The following LRRTM3 variants were observed in gnomAD, a reference collection of about 807,000 sequenced individuals.
The protein encoded by LRRTM3 is leucine-rich repeat transmembrane neuronal protein 3.
In LRRTM3, 24 loss-of-function variants were observed where a neutral mutation model predicts 44.7. The observed-to-expected ratio is 0.54, with a 90% CI of 0.39 to 0.76. The LOEUF (loss-of-function observed/expected upper bound fraction) is 0.76. Ranked by LOEUF, LRRTM3 falls within the 30% of genes least tolerant of loss-of-function variation. The probability of loss-of-function intolerance (pLI) is 0.00; values close to 1 mark genes in which losing one functional copy is unlikely to be tolerated. For missense variants in LRRTM3, 587 were observed against 702.2 expected (o/e 0.84, Z 1.85); for synonymous variants, 277 against 278.7 (o/e 0.99, Z 0.06).
intron 2 of LRRTM3, 124 bp downstream of exon 2, chr10:66,928,576 C>G (rs936133795): frequency 5.8e-6 from 5 of 857,310 alleles, no homozygotes; most frequent in Non-Finnish European, 8.8e-6. Flanking sequence ...TCTCACTTTG[C>G]TGGCAAGATC....
chr10:67,012,731 G>A (rs958220342), intron 2 of LRRTM3, among the ~76,000 whole-genome samples: 3 of 151,898 alleles, frequency 2.0e-5, no homozygotes, highest in Admixed American at 1.3e-4. Flanking sequence ...CCAGCTTCAC[G>A]GTGGTTTTGG....
intron 2 of LRRTM3, among the ~76,000 whole-genome samples, chr10:67,004,280 T>C (rs1851848221): frequency 6.6e-6 from 1 of 152,204 alleles, no homozygotes. Flanking sequence ...ATAAAATTTC[T>C]TCCTGTCTTT....
chr10:67,089,972 G>A (rs1447030534), intron 2 of LRRTM3, among the ~76,000 whole-genome samples: 3 of 151,940 alleles, frequency 2.0e-5, no homozygotes. Flanking sequence ...GACAAGTATA[G>A]TCTCATATGA....
chr10:67,011,844 G>T (rs1282887387), intron 2 of LRRTM3, among the ~76,000 whole-genome samples: 1 of 152,094 alleles, frequency 6.6e-6, no homozygotes, highest in East Asian at 1.9e-4. Flanking sequence ...AGGACCTACA[G>T]GTTGCATGTG....
At chr10:66,940,084 T>G (rs547764224) in intron 2 of LRRTM3, among the ~76,000 whole-genome samples, 1 of 152,282 alleles carries the variant, frequency 6.6e-6, no homozygotes, top group East Asian at 1.9e-4. Context: ...TGTTTTTGCT[T>G]TCAGTACTGG....
At chr10:67,079,835 G>A (rs879287625) in intron 2 of LRRTM3, among the ~76,000 whole-genome samples, 3 of 150,800 alleles carry the variant, frequency 2.0e-5, no homozygotes, top group South Asian at 2.1e-4. Flanking sequence ...GTGGCACAGC[G>A]AGACTCCATC....
At chr10:67,062,538 C>T (rs1026940297) in intron 2 of LRRTM3, among the ~76,000 whole-genome samples, 3 of 151,896 alleles carry the variant, frequency 2.0e-5, no homozygotes, top group African/African-American at 7.3e-5. Flanking sequence ...TGTGTGTCTG[C>T]GTGTAGATAT....
chr10:66,986,432 G>A (rs1202107307), intron 2 of LRRTM3, among the ~76,000 whole-genome samples: 1 of 152,094 alleles, frequency 6.6e-6, no homozygotes, highest in Non-Finnish European at 1.5e-5. Flanking sequence ...AGTAGGCAGA[G>A]GTTGCAATAA....
chr10:67,092,334 T>C (rs1171854289), intron 2 of LRRTM3, among the ~76,000 whole-genome samples: 1 of 151,970 alleles, frequency 6.6e-6, no homozygotes, highest in Non-Finnish European at 1.5e-5. Flanking sequence ...AAATCTCTAT[T>C]CAGACATAAC....
At position 67,099,048 on chromosome 10, in the gene LRRTM3, A is replaced by C. The variant is rs577684072; in HGVS notation, c.*1252A>C. 6.6e-6 allele frequency: 1 copy of C among 152,004 alleles called. No individual in the cohort carries two copies. Among genetic ancestry groups the C allele is most frequent in the South Asian group, 2.1e-4 (1 of 4,830 alleles). 9.4% of individuals were successfully genotyped at this position (152,004 alleles called of 1,614,324 possible). A position where few individuals can be genotyped will look rare whatever the true frequency, so the allele number is the denominator to read the frequency against. On this transcript the variant is annotated 3_prime_UTR_variant, in exon 3 of 3. Coordinates refer to ENST00000361320, the MANE Select transcript of LRRTM3 (RefSeq NM_178011.5). ...CCATGGTGGAGAACTTTATCACTCA[A>C]GTAGACGGTAAACATCCTTAATATG... is the stretch of plus-strand genomic sequence containing the variant.
chr10:67,009,534 T>G, intron 2 of LRRTM3, among the ~76,000 whole-genome samples: 1 of 152,150 alleles, frequency 6.6e-6, no homozygotes, highest in East Asian at 1.9e-4. Context: ...TTTGTTTGTT[T>G]GTTTGTTTGC....
chr10:67,098,933 CAT>C lies in LRRTM3; in HGVS notation c.*1140_*1141del, dbSNP rs780591223. On this transcript the variant is annotated 3_prime_UTR_variant, in exon 3 of 3. Coordinates refer to ENST00000361320, the MANE Select transcript of LRRTM3 (RefSeq NM_178011.5). Reference sequence around the variant, plus strand: ...TATTTTGGAAACATTTCAAAGGAAACATATGAATTTGTTTTGCGTTGTGCACT... The same window carrying C: ...TATTTTGGAAACATTTCAAAGGAAACATGAATTTGTTTTGCGTTGTGCACT... 5 of 151,962 alleles carry C rather than the reference CAT, an allele frequency of 3.3e-5. No individual in the cohort carries two copies. In the East Asian group the frequency reaches 7.8e-4, roughly 24 times the overall value. 9.4% of individuals were successfully genotyped at this position (151,962 alleles called of 1,614,324 possible).
At chr10:67,019,798 C>T (rs1852881698) in intron 2 of LRRTM3, among the ~76,000 whole-genome samples, 1 of 152,128 alleles carries the variant, frequency 6.6e-6, no homozygotes, top group Admixed American at 6.6e-5. Flanking sequence ...TTTGATGCTC[C>T]TTACTCACTT....
chr10:67,054,098 T>C (rs1279259869), intron 2 of LRRTM3, among the ~76,000 whole-genome samples: 1 of 152,162 alleles, frequency 6.6e-6, no homozygotes. Flanking sequence ...GTAAGCAGCT[T>C]AGTATCCATC....
intron 2 of LRRTM3, among the ~76,000 whole-genome samples, chr10:67,024,595 C>A (rs1853236420): frequency 6.6e-6 from 1 of 152,086 alleles, no homozygotes; most frequent in African/African-American, 2.4e-5. Flanking sequence ...AAATCATTTT[C>A]CTAACTTTGA....
intron 2 of LRRTM3, among the ~76,000 whole-genome samples, chr10:66,971,610 T>C (rs115807480): frequency 2.6e-5 from 4 of 152,214 alleles, no homozygotes; most frequent in African/African-American, 7.2e-5. Flanking sequence ...GTAATGCACC[T>C]AGTAGAGTGC....
chr10:67,016,903 C>T (rs374909222), intron 2 of LRRTM3, among the ~76,000 whole-genome samples: 3 of 152,124 alleles, frequency 2.0e-5, no homozygotes, highest in South Asian at 4.2e-4. Flanking sequence ...ATTTTATATC[C>T]TATCAAAATA....
intron 2 of LRRTM3, among the ~76,000 whole-genome samples, chr10:66,950,771 C>CA (rs1848498004): frequency 6.6e-6 from 1 of 151,944 alleles, no homozygotes; most frequent in Non-Finnish European, 1.5e-5. Flanking sequence ...CTTACAAAAA[C>CA]AAAAAAGCAT....
Position 67,090,726 on chromosome 10 carries a change from C to T in LRRTM3, c.1537-6861C>T, listed in dbSNP as rs151238235. Among the ~76,000 whole-genome samples the T allele has an allele frequency of 5.4e-3, 828 of 152,096 alleles. 7 individuals carry two copies. Among genetic ancestry groups the T allele is most frequent in the South Asian group, 0.011 (52 of 4,824 alleles). ...AAAATAATGAAGAGAATATTAGAGA[C>T]GTGTCCAGGCCACGCATCAACTGAC... On this transcript the variant is annotated intron_variant, in intron 2 of 2. Transcript: ENST00000361320.
Sources: allele counts gnomAD v4.1 joint callset (sites outside exome capture counted in the v4.1 genomes callset), GRCh38; gene constraint gnomAD v4.1.1; transcripts MANE v1.5; gene names NCBI Gene and HGNC (gene_info 2026-07-23, HGNC 2026-07-21).